Variants in CCDC60 observed in about 807,000 individuals in gnomAD.
The protein encoded by CCDC60 is coiled-coil domain containing 60.
CCDC60 carries 54 observed loss-of-function variants against 63.5 expected under a neutral mutation model. The observed-to-expected ratio is 0.85, with a 90% CI of 0.68 to 1.07. The LOEUF is 1.07. Among genes scored for constraint, CCDC60 ranks in the 50% least tolerant of loss-of-function variants. The probability of loss-of-function intolerance (pLI) is 0.00; values close to 1 mark genes in which losing one functional copy is unlikely to be tolerated. For synonymous variants in CCDC60, 206 were observed against 238.8 expected (o/e 0.86, Z 1.27); for missense variants, 651 against 684.3 (o/e 0.95, Z 0.54).
chr12:119,359,141 G>C (rs372319310), intron 1 of CCDC60, among the ~76,000 whole-genome samples: 1 of 152,154 alleles, frequency 6.6e-6, no homozygotes, highest in Non-Finnish European at 1.5e-5. Context: ...ATTCTGGTGG[G>C]TGCTTAGTAG....
intron 5 of CCDC60, among the ~76,000 whole-genome samples, chr12:119,492,421 G>A (rs1274519471): frequency 1.3e-5 from 2 of 152,086 alleles, no homozygotes; most frequent in Non-Finnish European, 2.9e-5. Context: ...ACCACTGTTC[G>A]GGATTCATTT....
intron 5 of CCDC60, among the ~76,000 whole-genome samples, chr12:119,496,646 T>C (rs1051047760): frequency 6.6e-6 from 1 of 152,184 alleles, no homozygotes; most frequent in Non-Finnish European, 1.5e-5. Context: ...CCCCATTTCT[T>C]TTCATCTTCA....
At chr12:119,534,627 G>T (rs1303886314) in intron 13 of CCDC60, among the ~76,000 whole-genome samples, 1 of 152,098 alleles carries the variant, frequency 6.6e-6, no homozygotes, top group Non-Finnish European at 1.5e-5. Context: ...TAGCATGAAG[G>T]GCTGTTGAAT....
intron 1 of CCDC60, among the ~76,000 whole-genome samples, chr12:119,372,765 G>A (rs1955910715): frequency 6.6e-6 from 1 of 152,128 alleles, no homozygotes; most frequent in Non-Finnish European, 1.5e-5. Context: ...AAGCCACAAT[G>A]CCTGGGCCTT....
chr12:119,458,571 T>G (rs1431271769), intron 2 of CCDC60, among the ~76,000 whole-genome samples: 1 of 152,114 alleles, frequency 6.6e-6, no homozygotes, highest in Non-Finnish European at 1.5e-5. Context: ...ACTCTGCAAT[T>G]TCTTGTGAGG....
At chr12:119,360,842 C>G (rs1453767436) in intron 1 of CCDC60, among the ~76,000 whole-genome samples, 1 of 152,138 alleles carries the variant, frequency 6.6e-6, no homozygotes, top group East Asian at 1.9e-4. Flanking sequence ...CCAGCCTGGG[C>G]GCCATTGAGC....
intron 3 of CCDC60, among the ~76,000 whole-genome samples, chr12:119,478,852 G>T (rs1001028886): frequency 6.6e-6 from 1 of 151,856 alleles, no homozygotes; most frequent in Admixed American, 6.6e-5. Flanking sequence ...TGATCCACCC[G>T]CCTCGGCCTC....
At chr12:119,423,902 AT>A (rs1956857324) in intron 1 of CCDC60, among the ~76,000 whole-genome samples, 1 of 152,220 alleles carries the variant, frequency 6.6e-6, no homozygotes, top group African/African-American at 2.4e-5. Flanking sequence ...AGATGACTCA[AT>A]TTAAATTGGC....
At chr12:119,503,041 G>A (rs1463599602) in intron 6 of CCDC60, among the ~76,000 whole-genome samples, 3 of 152,098 alleles carry the variant, frequency 2.0e-5, no homozygotes, top group Non-Finnish European at 4.4e-5. Flanking sequence ...GCCAGGCATG[G>A]TGGTGGGCAC....
In CCDC60 at chr12:119,419,726, T is replaced by C. The variant is rs1170436050; in HGVS notation, c.91-8957T>C. 2.0e-5 allele frequency among the ~76,000 whole-genome samples: 3 copies of C among 152,142 alleles called. No homozygotes were observed. In the South Asian group the frequency reaches 6.2e-4, roughly 32 times the overall value. ...CCTCTTCTTCCCAGAGGACTCCTGC[T>C]GCTTTGTCTCCCCTAAGTTCTCAGT... On this transcript the variant is annotated intron_variant, in intron 1 of 13. Coordinates refer to ENST00000327554, the MANE Select transcript of CCDC60 (RefSeq NM_178499.5).
At chr12:119,499,876 G>T (rs1018876717) in intron 5 of CCDC60, among the ~76,000 whole-genome samples, 1 of 151,978 alleles carries the variant, frequency 6.6e-6, no homozygotes, top group African/African-American at 2.4e-5. Context: ...GTAAGCAAAA[G>T]TCTCTCCAAA....
chr12:119,340,630 A>T (rs1475909014), intron 1 of CCDC60, among the ~76,000 whole-genome samples: 1 of 152,166 alleles, frequency 6.6e-6, no homozygotes, highest in East Asian at 1.9e-4. Context: ...GAGTCGGAAA[A>T]GGAGAACCAA....
At chr12:119,381,546 G>A (rs886982426) in intron 1 of CCDC60, among the ~76,000 whole-genome samples, 11 of 152,178 alleles carry the variant, frequency 7.2e-5, no homozygotes, top group African/African-American at 2.7e-4. Context: ...TCCTCAGTGT[G>A]ATATCCTGAT....
At chr12:119,478,462 C>T (rs941952700) in intron 3 of CCDC60, among the ~76,000 whole-genome samples, 3 of 151,992 alleles carry the variant, frequency 2.0e-5, no homozygotes, top group Non-Finnish European at 2.9e-5. Flanking sequence ...TTGCTGTTTC[C>T]AGAACACAGC....
At chr12:119,510,989 A>G (rs1312782176) in intron 7 of CCDC60, among the ~76,000 whole-genome samples, 1 of 152,206 alleles carries the variant, frequency 6.6e-6, no homozygotes, top group East Asian at 1.9e-4. Flanking sequence ...CAGTTCAATT[A>G]CTAAGAAAGA....
intron 1 of CCDC60, chr12:119,388,343 G>A (rs1486369016): frequency 1.3e-5 from 2 of 152,232 alleles, no homozygotes; most frequent in Non-Finnish European, 2.9e-5. Context: ...GAGGAAGAAA[G>A]TGAGAGGAAA....
rs149574114 is a variant in CCDC60, at chr12:119,479,143, C to T, written c.391C>T (p.Arg131Cys). The T allele has an allele frequency of 1.3e-4, 202 of 1,613,928 alleles. 1 individual carries two copies. The highest frequency in any genetic ancestry group is 4.9e-4 in the South Asian group (45 of 91,080). The change falls in exon 4 of 14, where the codon CGC becomes TGC. Residue 131 changes from arginine to cysteine, a missense_variant. Transcript: ENST00000327554. The stretch of plus-strand genomic sequence containing the variant: ...GACACTGGGAGCTAGAGTCACACGT[C>T]GCCCATTCACTCCCATCCACAGCTG... ...LKTLGARVTR[R>C]PFTPIHSCII...
chr12:119,360,195 C>G (rs1411013105), intron 1 of CCDC60, among the ~76,000 whole-genome samples: 2 of 137,626 alleles, frequency 1.5e-5, no homozygotes, highest in Non-Finnish European at 3.1e-5. Context: ...CCGGACAGGG[C>G]GGCTGGCTGG....
At chr12:119,376,741 A>G (rs1009199425) in intron 1 of CCDC60, among the ~76,000 whole-genome samples, 3 of 152,158 alleles carry the variant, frequency 2.0e-5, no homozygotes, top group African/African-American at 7.2e-5. Context: ...AGGCTCCTAT[A>G]TCCTTTAAAC....
Sources: gnomAD v4.1 joint callset for allele counts (sites outside exome capture counted in the v4.1 genomes callset) on GRCh38, gnomAD v4.1.1 for gene constraint, MANE v1.5 for transcripts, NCBI Gene and HGNC (gene_info 2026-07-23, HGNC 2026-07-21) for gene names.